The following ASB7 variants were observed in gnomAD, a reference collection of about 807,000 sequenced individuals.
ASB7 encodes the protein ankyrin repeat and SOCS box containing 7, also known as ankyrin repeat and SOCS box protein 7.
Under a neutral mutation model 32.5 loss-of-function variants are expected in ASB7, and 4 were observed. That is an observed-to-expected ratio of 0.12 (90% CI 0.06 to 0.28). The LOEUF (loss-of-function observed/expected upper bound fraction) is 0.28, where lower values mean the gene tolerates loss of function less well. Ranked by LOEUF, ASB7 falls within the 10% of genes least tolerant of loss-of-function variation. The pLI is 1.00. For synonymous variants in ASB7, 172 were observed against 155.6 expected (o/e 1.11, Z -0.78); for missense variants, 181 against 407.1 (o/e 0.44, Z 4.78).
chr15:100,647,401 G>A (rs966166589), intron 5 of ASB7, among the ~76,000 whole-genome samples: 2 of 152,200 alleles, frequency 1.3e-5, no homozygotes, highest in Non-Finnish European at 2.9e-5. Context: ...ACATGGCGCA[G>A]AGTAAGTATT....
At chr15:100,646,389 G>A (rs1159974971) in intron 5 of ASB7, 2 of 392,054 alleles carry the variant, frequency 5.1e-6, no homozygotes, top group African/African-American at 2.0e-5. Context: ...GGGGTGCGGT[G>A]TACTTCTCCG....
intron 5 of ASB7, chr15:100,646,567 C>CT (rs774545186): frequency 4.9e-5 from 19 of 385,090 alleles, no homozygotes; most frequent in Admixed American, 2.3e-4. Flanking sequence ...AAGGTCAACA[C>CT]TTTAAGAGAC....
intron 4 of ASB7, among the ~76,000 whole-genome samples, chr15:100,623,386 A>G (rs2039809755): frequency 6.6e-6 from 1 of 152,206 alleles, no homozygotes; most frequent in Non-Finnish European, 1.5e-5. Flanking sequence ...CTGGGCAACA[A>G]GAGCGAAATT....
chr15:100,638,711 A>G (rs557163964), intron 5 of ASB7, among the ~76,000 whole-genome samples: 1 of 152,288 alleles, frequency 6.6e-6, no homozygotes, highest in South Asian at 2.1e-4. Flanking sequence ...TCTGGGATAC[A>G]TGTGCTGAAT....
At chr15:100,608,877 C>T (rs959530733) in intron 2 of ASB7, among the ~76,000 whole-genome samples, 2 of 152,168 alleles carry the variant, frequency 1.3e-5, no homozygotes, top group African/African-American at 4.8e-5. Context: ...GCAGGACATA[C>T]AACTGCTGCG....
At position 100,629,651 on chromosome 15, in the gene ASB7, G is replaced by A. The variant is rs765981747; in HGVS notation, c.426G>A (p.Glu142=). The A allele has an allele frequency of 3.1e-6, 5 of 1,614,160 alleles. No homozygotes were observed. Among genetic ancestry groups the A allele is most frequent in the Non-Finnish European group, 3.4e-6 (4 of 1,180,038 alleles). Residue 142 remains glutamate (E), a synonymous_variant, in exon 5 of 6, where the codon GAG becomes GAA. Transcript: ENST00000332783. The surrounding 1 kb of genome is among the most constrained non-coding windows in gnomAD (Gnocchi z 6.8). ...FVRLLLEFKA[E]VDPLSDKGTT... is the part of the protein sequence containing the mutation. Reference sequence around the variant, plus strand: ...GGCTCCTCCTGGAGTTCAAGGCTGAGGTTGACCCACTCAGTGATAAAGGTA... The same window carrying A: ...GGCTCCTCCTGGAGTTCAAGGCTGAAGTTGACCCACTCAGTGATAAAGGTA...
rs1052128851 is a variant in ASB7, at chr15:100,651,333, G to A, written c.*2871G>A. ...GCCTGTTAGTTTGGAGGACTTGACT[G>A]TCTCATTTTTTAATTCATTGTCAGT... On this transcript the variant is annotated 3_prime_UTR_variant, in exon 6 of 6. Transcript: ENST00000332783. 1 of 151,952 alleles carries A rather than the reference G, an allele frequency of 6.6e-6. No homozygotes were observed. Among genetic ancestry groups the A allele is most frequent in the Non-Finnish European group, 1.5e-5 (1 of 68,026 alleles). 9.4% of individuals were successfully genotyped at this position (151,952 alleles called of 1,614,324 possible). A position where few individuals can be genotyped will look rare whatever the true frequency, so the allele number is the denominator to read the frequency against.
chr15:100,646,861 T>G (rs1165951497), intron 5 of ASB7, among the ~76,000 whole-genome samples: 1 of 152,228 alleles, frequency 6.6e-6, no homozygotes, highest in Non-Finnish European at 1.5e-5. Flanking sequence ...TGCCTTTCTC[T>G]CATTCCTTTT....
intron 5 of ASB7, among the ~76,000 whole-genome samples, chr15:100,634,903 A>G (rs549193210): frequency 6.6e-6 from 1 of 152,350 alleles, no homozygotes; most frequent in Non-Finnish European, 1.5e-5. Flanking sequence ...GTGGAAGGTA[A>G]GATAGCAGTA....
intron 5 of ASB7, among the ~76,000 whole-genome samples, chr15:100,633,546 C>T (rs908271492): frequency 2.0e-5 from 3 of 151,300 alleles, no homozygotes; most frequent in Non-Finnish European, 2.9e-5. Flanking sequence ...TACTGCACTC[C>T]GGCCTGGGTG....
chr15:100,613,753 T>G (rs1331387927), intron 4 of ASB7, among the ~76,000 whole-genome samples: 2 of 152,204 alleles, frequency 1.3e-5, no homozygotes, highest in African/African-American at 4.8e-5. Flanking sequence ...CCAGCCTTAC[T>G]TTAAAAAAAG....
chr15:100,613,417 C>T (rs961177249), intron 4 of ASB7, among the ~76,000 whole-genome samples: 1 of 152,212 alleles, frequency 6.6e-6, no homozygotes, highest in African/African-American at 2.4e-5. Context: ...AACACTGAGA[C>T]TAGGAGTAGC....
chr15:100,618,892 C>G (rs191515823), intron 4 of ASB7, among the ~76,000 whole-genome samples: 2 of 152,280 alleles, frequency 1.3e-5, no homozygotes, highest in Admixed American at 1.3e-4. Context: ...TTCCTCACAA[C>G]TCTTTTAGGA....
intron 4 of ASB7, among the ~76,000 whole-genome samples, chr15:100,613,104 T>C (rs1397504535): frequency 6.6e-6 from 1 of 152,256 alleles, no homozygotes; most frequent in East Asian, 1.9e-4. Flanking sequence ...TACTTTATTT[T>C]CCTAGAGATG....
intron 5 of ASB7, among the ~76,000 whole-genome samples, chr15:100,632,226 T>C (rs1597008306): frequency 6.6e-6 from 1 of 152,132 alleles, no homozygotes; most frequent in East Asian, 1.9e-4. Flanking sequence ...GCCTAGGAGG[T>C]CCTCAGTAGT....
chr15:100,613,912 G>A (rs2039718388), intron 4 of ASB7, among the ~76,000 whole-genome samples: 1 of 152,146 alleles, frequency 6.6e-6, no homozygotes, highest in South Asian at 2.1e-4. Flanking sequence ...ATGTAACTGG[G>A]TATACGTTTG....
In ASB7 at chr15:100,651,165, G is replaced by A. The variant is rs1433223415; in HGVS notation, c.*2703G>A. The stretch of plus-strand genomic sequence containing the variant: ...AAAAGATTATGATCATTAATGAACT[G>A]CAAACCTCATCTTTCGAAAACAAGG... On this transcript the variant is annotated 3_prime_UTR_variant, in exon 6 of 6. Transcript: ENST00000332783. The A allele has an allele frequency of 6.7e-6, 1 of 149,750 alleles. No individual in the cohort carries two copies. The highest frequency in any genetic ancestry group is 1.5e-5 in the Non-Finnish European group (1 of 67,724). 9.3% of individuals were successfully genotyped at this position (149,750 alleles called of 1,614,324 possible). A position where few individuals can be genotyped will look rare whatever the true frequency, so the allele number is the denominator to read the frequency against.
At chr15:100,622,954 A>G (rs2039806414) in intron 4 of ASB7, among the ~76,000 whole-genome samples, 2 of 152,220 alleles carry the variant, frequency 1.3e-5, no homozygotes, top group South Asian at 4.1e-4. Flanking sequence ...GAAACTGAAA[A>G]ACCTTTATAC....
intron 5 of ASB7, 128 bp from the exon 6 acceptor site, chr15:100,648,195 A>C: frequency 2.0e-6 from 2 of 1,005,562 alleles, no homozygotes; most frequent in Non-Finnish European, 2.8e-6. Context: ...TTGAGTTGGT[A>C]TCTTTCCGGT....
Sources: allele counts gnomAD v4.1 joint callset (sites outside exome capture counted in the v4.1 genomes callset), GRCh38; gene constraint gnomAD v4.1.1; non-coding constraint Gnocchi (gnomAD v3.1); transcripts MANE v1.5; gene names NCBI Gene and HGNC (gene_info 2026-07-23, HGNC 2026-07-21).